Variants in ELP4 observed in about 807,000 individuals in gnomAD.
ELP4 encodes elongator acetyltransferase complex subunit 4.
Under a neutral mutation model 48.9 loss-of-function variants are expected in ELP4, and 51 were observed. The observed-to-expected ratio is 1.04, with a 90% CI of 0.83 to 1.32. The LOEUF (loss-of-function observed/expected upper bound fraction) is 1.32. Ranked by LOEUF, ELP4 falls within the 40% of genes most tolerant of loss-of-function variation. The pLI is 0.00. For missense variants in ELP4, 519 were observed against 514.6 expected, an observed-to-expected ratio of 1.01 and a Z score of -0.08; for synonymous variants, 210 against 189.2, an observed-to-expected ratio of 1.11 and a Z score of -0.90.
intron 9 of ELP4, among the ~76,000 whole-genome samples, chr11:31,697,932 G>C (rs993657184): frequency 6.6e-6 from 1 of 150,400 alleles, no homozygotes; most frequent in African/African-American, 2.4e-5. Flanking sequence ...CTTTAGTAGT[G>C]CTTCTACTAC....
At chr11:31,602,937 A>G (rs1018412544) in intron 4 of ELP4, among the ~76,000 whole-genome samples, 1 of 151,988 alleles carries the variant, frequency 6.6e-6, no homozygotes, top group Non-Finnish European at 1.5e-5. Context: ...TTTTCAATGT[A>G]TTGAATGAAA....
At chr11:31,693,413 G>T (rs1054762409) in intron 9 of ELP4, among the ~76,000 whole-genome samples, 1 of 151,892 alleles carries the variant, frequency 6.6e-6, no homozygotes, top group African/African-American at 2.4e-5. Context: ...TGCAGTGTTT[G>T]GTTTTTTGTC....
chr11:31,557,029 T>C (rs1956941907), intron 3 of ELP4, among the ~76,000 whole-genome samples: 1 of 152,022 alleles, frequency 6.6e-6, no homozygotes, highest in African/African-American at 2.4e-5. Context: ...ATACTCACTT[T>C]GAAATAAACC....
chr11:31,640,359 C>T (rs980331128), intron 7 of ELP4, among the ~76,000 whole-genome samples: 6 of 151,782 alleles, frequency 4.0e-5, no homozygotes, highest in East Asian at 1.9e-4. Flanking sequence ...TACTTGGTTA[C>T]GTACTTTCCC....
At chr11:31,658,907 G>T (rs969847737) in intron 9 of ELP4, among the ~76,000 whole-genome samples, 2 of 151,714 alleles carry the variant, frequency 1.3e-5, no homozygotes, top group Non-Finnish European at 2.9e-5. Flanking sequence ...TTTCTCTTTT[G>T]CAAAAAGCTT....
At chr11:31,510,426 T>C (rs1300935084) in intron 1 of ELP4, 9 of 411,904 alleles carry the variant, frequency 2.2e-5, no homozygotes, top group Non-Finnish European at 4.3e-6. Context: ...GAGACAGACT[T>C]CATTAGAAGA....
At chr11:31,543,288 A>G (rs1956623001) in intron 3 of ELP4, among the ~76,000 whole-genome samples, 4 of 152,112 alleles carry the variant, frequency 2.6e-5, no homozygotes, top group Non-Finnish European at 5.9e-5. Context: ...GGTGTTTGGC[A>G]AACTCCAAGT....
chr11:31,605,506 A>G (rs186192010), intron 5 of ELP4, among the ~76,000 whole-genome samples: 2 of 152,244 alleles, frequency 1.3e-5, no homozygotes, highest in Non-Finnish European at 2.9e-5. Context: ...CCCTGATTCA[A>G]GTATCTGTAT....
chr11:31,527,557 G>A (rs1453954802), intron 2 of ELP4, among the ~76,000 whole-genome samples: 1 of 151,948 alleles, frequency 6.6e-6, no homozygotes, highest in African/African-American at 2.4e-5. Flanking sequence ...TGAGTGATAC[G>A]CTTGTCTCTC....
At chr11:31,727,727 C>T (rs1376554495) in intron 9 of ELP4, 1 of 152,080 alleles carries the variant, frequency 6.6e-6, no homozygotes, top group East Asian at 1.9e-4. Context: ...AATAACTACT[C>T]GAATAATGAA....
intron 4 of ELP4, 120 bp from the exon 5 acceptor site, chr11:31,603,648 T>G: frequency 1.0e-6 from 1 of 960,228 alleles, no homozygotes; most frequent in Non-Finnish European, 1.6e-6. Context: ...TGTATGTATA[T>G]CCGTTCTTCC....
chr11:31,704,460 G>A (rs1263171942), intron 9 of ELP4, among the ~76,000 whole-genome samples: 1 of 151,982 alleles, frequency 6.6e-6, no homozygotes, highest in Non-Finnish European at 1.5e-5. Flanking sequence ...ACACAGGAAG[G>A]GGAATATCAC....
At chr11:31,675,780 A>G (rs1186014539) in intron 9 of ELP4, among the ~76,000 whole-genome samples, 1 of 152,074 alleles carries the variant, frequency 6.6e-6, no homozygotes, top group African/African-American at 2.4e-5. Context: ...CCCTCTTCAA[A>G]TAGAAGAAAA....
intron 9 of ELP4, among the ~76,000 whole-genome samples, chr11:31,670,612 A>G (rs907520906): frequency 3.9e-5 from 6 of 152,108 alleles, no homozygotes; most frequent in African/African-American, 1.4e-4. Flanking sequence ...AGATGAGGAC[A>G]AAAATGTCAC....
intron 9 of ELP4, among the ~76,000 whole-genome samples, chr11:31,735,470 G>A (rs1412684849): frequency 6.6e-6 from 1 of 152,152 alleles, no homozygotes; most frequent in African/African-American, 2.4e-5. Flanking sequence ...GGAAGTTCTG[G>A]CCAGGGCAAT....
chr11:31,781,411 C>T (rs1401892218), intron 9 of ELP4, among the ~76,000 whole-genome samples: 1 of 147,368 alleles, frequency 6.8e-6, no homozygotes, highest in East Asian at 2.1e-4. Flanking sequence ...CTCACGTGGA[C>T]ACTGATAGAA....
At chr11:31,640,287 A>G (rs1396273125) in intron 7 of ELP4, among the ~76,000 whole-genome samples, 1 of 151,676 alleles carries the variant, frequency 6.6e-6, no homozygotes, top group Non-Finnish European at 1.5e-5. Context: ...TTTCTTTGGC[A>G]TTGTAAGATA....
intron 3 of ELP4, among the ~76,000 whole-genome samples, chr11:31,581,972 T>C (rs1230041948): frequency 6.6e-6 from 1 of 152,176 alleles, no homozygotes; most frequent in Non-Finnish European, 1.5e-5. Context: ...CAGGCTGGTC[T>C]TAAATTTCTG....
intron 9 of ELP4, among the ~76,000 whole-genome samples, chr11:31,756,115 T>G (rs942451816): frequency 3.3e-5 from 5 of 152,210 alleles, no homozygotes; most frequent in Non-Finnish European, 5.9e-5. Context: ...TTTGCCTGTT[T>G]TGGGGGATGG....
Sources: allele counts gnomAD v4.1 joint callset (sites outside exome capture counted in the v4.1 genomes callset), GRCh38; gene constraint gnomAD v4.1.1; transcripts MANE v1.5; gene names NCBI Gene and HGNC (gene_info 2026-07-23, HGNC 2026-07-21).